CTSC: variants seen among roughly 807,000 people sequenced by gnomAD.
The protein encoded by CTSC is cathepsin C, also known as dipeptidyl peptidase 1.
Under a neutral mutation model 40.9 loss-of-function variants are expected in CTSC, and 37 were observed. The observed-to-expected ratio is 0.91, with a 90% CI of 0.70 to 1.19. The LOEUF is 1.19. CTSC is among the 50% of genes most tolerant of loss of function. The pLI is 0.00. For synonymous variants in CTSC, 232 were observed against 207.4 expected (o/e 1.12, Z -1.02); for missense variants, 594 against 567.3 (o/e 1.05, Z -0.48).
At chr11:88,327,201 A>G (rs1372909452) in intron 2 of CTSC, among the ~76,000 whole-genome samples, 1 of 152,250 alleles carries the variant, frequency 6.6e-6, no homozygotes, top group Admixed American at 6.5e-5. Flanking sequence ...ACATTGCTGA[A>G]GCTTAACAAG....
intron 2 of CTSC, chr11:88,326,500 T>A: frequency 9.5e-7 from 1 of 1,054,732 alleles, no homozygotes. Context: ...TGTCTCTTAA[T>A]ATTTAATCAT....
intron 2 of CTSC, among the ~76,000 whole-genome samples, chr11:88,331,991 C>G (rs1938372035): frequency 6.6e-6 from 1 of 152,136 alleles, no homozygotes; most frequent in Non-Finnish European, 1.5e-5. Flanking sequence ...AACTACTCAA[C>G]AAACTCGAGC....
At chr11:88,299,642 G>A (rs915501951) in intron 5 of CTSC, 1 of 152,072 alleles carries the variant, frequency 6.6e-6, no homozygotes. Context: ...TTTAGGAAAG[G>A]GAAACAACAG....
intron 2 of CTSC, chr11:88,325,699 G>T (rs1282271343): frequency 1.0e-6 from 1 of 984,984 alleles, no homozygotes; most frequent in Admixed American, 6.2e-5. Flanking sequence ...AATGAAAAAA[G>T]AAAAGAAAAA....
intron 2 of CTSC, chr11:88,325,748 T>TAC (rs1938163774): frequency 3.0e-6 from 3 of 985,196 alleles, no homozygotes; most frequent in Non-Finnish European, 3.6e-6. Context: ...TGGCCAGAGG[T>TAC]ACTGGAGGTC....
chr11:88,330,332 G>A (rs140567427), intron 2 of CTSC, among the ~76,000 whole-genome samples: 199 of 152,118 alleles, frequency 1.3e-3, no homozygotes, highest in African/African-American at 4.5e-3. Flanking sequence ...AATGCCTGGA[G>A]GATGCTGAGT....
chr11:88,300,569 C>T lies in CTSC; in HGVS notation c.718G>A (p.Val240Ile). The change falls in exon 5 of 7, where the codon GTT becomes ATT. Residue 240 changes from valine to isoleucine, a missense_variant. By Grantham distance (29) the Val-to-Ile change is conservative (BLOSUM62 3). Coordinates refer to ENST00000227266, the MANE Select transcript of CTSC (RefSeq NM_001814.6). ...HLPTSWDWRNVHGINFVSPVR... is the reference protein window; with the variant it reads ...HLPTSWDWRNIHGINFVSPVR... ...GGACTGACAAAATTGATACCATGAA[C>T]ATTTCTCCAGTCCCAAGATGTTGGC... 6.2e-7 allele frequency: 1 copy of T among 1,613,620 alleles called. No individual in the cohort carries two copies. Among genetic ancestry groups the T allele is most frequent in the East Asian group, 2.2e-5 (1 of 44,868 alleles).
intron 1 of CTSC, among the ~76,000 whole-genome samples, chr11:88,336,881 A>T (rs1333476092): frequency 2.0e-5 from 3 of 152,196 alleles, no homozygotes; most frequent in Non-Finnish European, 4.4e-5. Flanking sequence ...AACATTGTGC[A>T]GACTCTGGGC....
intron 3 of CTSC, among the ~76,000 whole-genome samples, chr11:88,310,452 A>G (rs1203707730): frequency 7.5e-6 from 1 of 133,312 alleles, no homozygotes; most frequent in Non-Finnish European, 1.8e-5. Context: ...GTGACTCACT[A>G]TCTAAGACTT....
chr11:88,302,689 G>C (rs1477811012), intron 4 of CTSC, among the ~76,000 whole-genome samples: 1 of 140,322 alleles, frequency 7.1e-6, no homozygotes, highest in Admixed American at 7.1e-5. Context: ...GAAACAAAGA[G>C]AAAAACAACA....
chr11:88,328,572 C>A (rs964229232), intron 2 of CTSC, among the ~76,000 whole-genome samples: 1 of 152,168 alleles, frequency 6.6e-6, no homozygotes, highest in Non-Finnish European at 1.5e-5. Context: ...ATCACTAGCA[C>A]ACAAAGTGAG....
intron 4 of CTSC, among the ~76,000 whole-genome samples, chr11:88,304,772 C>G (rs186726078): frequency 6.6e-6 from 1 of 152,202 alleles, no homozygotes; most frequent in Non-Finnish European, 1.5e-5. Context: ...TTCCTCACTG[C>G]TACACTCCCA....
At chr11:88,327,987 TAAG>T in intron 2 of CTSC, 1 of 738,156 alleles carries the variant, frequency 1.4e-6, no homozygotes. Flanking sequence ...AAGAAATTCA[TAAG>T]AAAACCATAA....
At chr11:88,330,761 T>C (rs1430121651) in intron 2 of CTSC, among the ~76,000 whole-genome samples, 3 of 152,218 alleles carry the variant, frequency 2.0e-5, no homozygotes, top group African/African-American at 7.2e-5. Flanking sequence ...TGAAGTCACA[T>C]CCAAATATAT....
In CTSC at chr11:88,329,815, C is replaced by A. The variant is rs75511103; in HGVS notation, c.318+5122G>T. On this transcript the variant is annotated intron_variant, in intron 2 of 6. Coordinates refer to ENST00000227266, the MANE Select transcript of CTSC (RefSeq NM_001814.6). ...AATCTCAGCTCACTCCATGCTCTGT[C>A]TCCAGCGTTCAAGTGATTCTACTGC... Among the ~76,000 whole-genome samples the A allele has an allele frequency of 1.7e-3, 253 of 152,308 alleles. 1 individual carries two copies. The highest frequency in any genetic ancestry group is 5.8e-3 in the African/African-American group (242 of 41,576).
At position 88,294,227 on chromosome 11, in the gene CTSC, T is replaced by G. The variant is rs1470396369; in HGVS notation, c.1171A>C (p.Thr391Pro). ...LHYKKGIYHHTGLRDPFNPFE... is the reference protein window; with the variant it reads ...LHYKKGIYHHPGLRDPFNPFE... Reference sequence around the variant, plus strand: ...GGGTTGAAAGGGTCTCTTAGACCAGTGTGGTGGTAGATCCCCTTTTTGTAG... The same window carrying G: ...GGGTTGAAAGGGTCTCTTAGACCAGGGTGGTGGTAGATCCCCTTTTTGTAG... The change falls in exon 7 of 7, where the codon ACT becomes CCT. Residue 391 changes from threonine to proline, a missense_variant. Coordinates refer to ENST00000227266, the MANE Select transcript of CTSC (RefSeq NM_001814.6). 2 of 1,614,006 alleles carry G rather than the reference T, an allele frequency of 1.2e-6. No individual in the cohort carries two copies. Among genetic ancestry groups the G allele is most frequent in the Non-Finnish European group, 1.7e-6 (2 of 1,179,978 alleles).
intron 4 of CTSC, among the ~76,000 whole-genome samples, chr11:88,302,452 T>C (rs951729847): frequency 2.0e-5 from 3 of 151,506 alleles, no homozygotes; most frequent in Non-Finnish European, 2.9e-5. Context: ...TGAAACCCCG[T>C]CCCTACTAAA....
chr11:88,334,281 T>G (rs550492004), intron 2 of CTSC, among the ~76,000 whole-genome samples: 2 of 152,364 alleles, frequency 1.3e-5, no homozygotes, highest in African/African-American at 4.8e-5. Context: ...GGCTGCAATT[T>G]GTGCTAAACT....
In CTSC at chr11:88,298,640, G is replaced by A. The variant is rs1380595510; in HGVS notation, c.757+1890C>T. 2.0e-5 allele frequency: 3 copies of A among 152,118 alleles called. 1 individual carries two copies. The highest frequency in any genetic ancestry group is 2.0e-4 in the Admixed American group (3 of 15,256). 9.4% of individuals were successfully genotyped at this position (152,118 alleles called of 1,614,324 possible). ...GAATACCAAAAGAAAGTCAAAAGAG[G>A]AAACTTTAAGTACATTATTTTCTCA... is the stretch of plus-strand genomic sequence containing the variant. On this transcript the variant is annotated intron_variant, in intron 5 of 6. Transcript: ENST00000227266.
Sources: allele counts gnomAD v4.1 joint callset (sites outside exome capture counted in the v4.1 genomes callset), GRCh38; gene constraint gnomAD v4.1.1; transcripts MANE v1.5; gene names NCBI Gene and HGNC (gene_info 2026-07-23, HGNC 2026-07-21).